Variants in PCM1 observed in about 807,000 individuals in gnomAD.
PCM1 encodes pericentriolar material 1, also known as pericentriolar material 1 protein.
A neutral mutation model predicts 241.9 loss-of-function variants in PCM1; 157 were observed. The ratio of observed to expected loss-of-function variants is 0.65; its 90% CI spans 0.57 to 0.74. The LOEUF (loss-of-function observed/expected upper bound fraction) is 0.74. PCM1 is among the 30% of genes least tolerant of loss of function. The probability of loss-of-function intolerance (pLI) is 0.00; values close to 1 mark genes in which losing one functional copy is unlikely to be tolerated. For synonymous variants in PCM1, 1,085 were observed against 784.9 expected (o/e 1.38, Z -6.39); for missense variants, 3,478 against 2,360.1 (o/e 1.47, Z -9.81).
rs371501230 is a variant in PCM1 at position 18,027,854 on chromosome 8, C to T, written c.*192C>T. ...AATTCTGGACAGATTTAAGCCTTGACACACTGTGTTTTTTTTTTTTTCCCC... is the reference window on the plus strand; with the variant it reads ...AATTCTGGACAGATTTAAGCCTTGATACACTGTGTTTTTTTTTTTTTCCCC... On this transcript the variant is annotated 3_prime_UTR_variant, in exon 39 of 39. Transcript: ENST00000325083. 1.8e-5 allele frequency: 7 copies of T among 399,232 alleles called. No homozygotes were observed. Among genetic ancestry groups the T allele is most frequent in the Non-Finnish European group, 3.1e-5 (7 of 224,880 alleles). The allele number at this position is 399,232 out of a possible 1,614,324, so 24.7% of individuals were successfully genotyped here.
chr8:17,949,421 T>A (rs2065141446), intron 7 of PCM1, among the ~76,000 whole-genome samples: 1 of 152,122 alleles, frequency 6.6e-6, no homozygotes, highest in Admixed American at 6.5e-5. Flanking sequence ...GCCTTGAAAT[T>A]CTCAGTTCTC....
At chr8:18,010,470 C>CTATA in intron 31 of PCM1, 139 bp from the exon 32 acceptor site, 1 of 596,088 alleles carries the variant, frequency 1.7e-6, no homozygotes, top group East Asian at 3.4e-5. Context: ...CAGCATGATA[C>CTATA]TATAATAAAT....
At chr8:18,003,339 G>A (rs780282641) in intron 29 of PCM1, among the ~76,000 whole-genome samples, 7 of 152,178 alleles carry the variant, frequency 4.6e-5, no homozygotes, top group South Asian at 2.1e-4. Flanking sequence ...TAAAGACCAG[G>A]TTCATTGTCA....
intron 4 of PCM1, among the ~76,000 whole-genome samples, chr8:17,938,068 G>A (rs1282422350): frequency 6.6e-6 from 1 of 152,112 alleles, no homozygotes; most frequent in East Asian, 1.9e-4. Flanking sequence ...TGGGTCCAAA[G>A]CGTATAAAAA....
chr8:17,928,621 T>A (rs1487500494), intron 2 of PCM1, among the ~76,000 whole-genome samples: 1 of 106,526 alleles, frequency 9.4e-6, no homozygotes, highest in Admixed American at 9.5e-5. Flanking sequence ...TCCCTCTTTT[T>A]TTTTTTTTTT....
chr8:18,010,557 A>C (rs972657598), intron 31 of PCM1, 52 bp from the exon 32 acceptor site: 21 of 1,355,314 alleles, frequency 1.5e-5, no homozygotes, highest in Non-Finnish European at 2.0e-5. Flanking sequence ...GAAATGCTAA[A>C]TTATGTATCT....
At chr8:17,966,923 A>G (rs2129469861) in intron 20 of PCM1, 57 bp from the exon 21 acceptor site, 1 of 1,440,000 alleles carries the variant, frequency 6.9e-7, no homozygotes. Flanking sequence ...TCCTGAATGT[A>G]CTTTATATAT....
intron 6 of PCM1, among the ~76,000 whole-genome samples, chr8:17,944,733 T>C (rs114117677): frequency 0.012 from 1,755 of 152,294 alleles, 32 homozygotes; most frequent in African/African-American, 0.04. Flanking sequence ...TATTTCATCA[T>C]AGGCTGTACT....
intron 13 of PCM1, among the ~76,000 whole-genome samples, chr8:17,959,748 T>C (rs939745971): frequency 3.9e-5 from 6 of 152,224 alleles, no homozygotes; most frequent in Admixed American, 2.0e-4. Context: ...TGATATACCG[T>C]AGCTTGTTTA....
At chr8:18,002,930 A>C (rs897986506) in intron 29 of PCM1, among the ~76,000 whole-genome samples, 2 of 152,100 alleles carry the variant, frequency 1.3e-5, no homozygotes, top group African/African-American at 4.8e-5. Context: ...CAACTCTCCT[A>C]CTAGAGTTGT....
At chr8:17,924,141 G>A (rs986259398) in intron 1 of PCM1, among the ~76,000 whole-genome samples, 1 of 152,052 alleles carries the variant, frequency 6.6e-6, no homozygotes, top group Non-Finnish European at 1.5e-5. Flanking sequence ...TCCGCCTGCT[G>A]GTGTTCTCTG....
At chr8:18,015,068 A>AAAAG (rs2092994090) in intron 36 of PCM1, among the ~76,000 whole-genome samples, 1 of 152,206 alleles carries the variant, frequency 6.6e-6, no homozygotes. Flanking sequence ...CAAAGGGATA[A>AAAAG]AAAGATTTCA....
At chr8:17,950,214 C>G (rs1347182245) in intron 7 of PCM1, among the ~76,000 whole-genome samples, 2 of 152,208 alleles carry the variant, frequency 1.3e-5, no homozygotes, top group East Asian at 3.8e-4. Context: ...GCCAGCCCCT[C>G]TACCGGAGAA....
chr8:17,987,388 C>T (rs1173854655), intron 26 of PCM1, among the ~76,000 whole-genome samples: 1 of 151,778 alleles, frequency 6.6e-6, no homozygotes, highest in African/African-American at 2.4e-5. Context: ...CCAGTGCTTT[C>T]ACTTTTATCC....
chr8:17,924,177 C>G (rs545657019), intron 1 of PCM1, among the ~76,000 whole-genome samples: 1 of 152,200 alleles, frequency 6.6e-6, no homozygotes, highest in Non-Finnish European at 1.5e-5. Context: ...GTTGCAGAGC[C>G]TCGGGTGCAC....
chr8:17,999,118 C>T (rs1413470698), intron 29 of PCM1, among the ~76,000 whole-genome samples: 2 of 152,074 alleles, frequency 1.3e-5, no homozygotes, highest in Non-Finnish European at 2.9e-5. Context: ...TTGCGGATCC[C>T]AGGAGCCTGC....
At chr8:17,992,099 T>C (rs1390888841) in intron 28 of PCM1, among the ~76,000 whole-genome samples, 1 of 152,226 alleles carries the variant, frequency 6.6e-6, no homozygotes, top group South Asian at 2.1e-4. Context: ...TATCTGTCTA[T>C]CTACACATAT....
intron 6 of PCM1, among the ~76,000 whole-genome samples, chr8:17,941,559 G>T (rs1418861049): frequency 6.6e-6 from 1 of 151,304 alleles, no homozygotes; most frequent in Non-Finnish European, 1.5e-5. Flanking sequence ...AGGTGGACTG[G>T]TACTTTTTAA....
At chr8:17,960,717 G>T (rs1156769049) in intron 15 of PCM1, among the ~76,000 whole-genome samples, 3 of 151,698 alleles carry the variant, frequency 2.0e-5, no homozygotes, top group African/African-American at 4.8e-5. Context: ...GTAGAGACAG[G>T]GTTTCACAGT....
Sources: gnomAD v4.1 joint callset for allele counts (sites outside exome capture counted in the v4.1 genomes callset) on GRCh38, gnomAD v4.1.1 for gene constraint, MANE v1.5 for transcripts, NCBI Gene and HGNC (gene_info 2026-07-23, HGNC 2026-07-21) for gene names.